The following CEP350 variants were observed in gnomAD, a reference collection of about 807,000 sequenced individuals.
CEP350 encodes the protein centrosome-associated protein 350.
In CEP350, 126 loss-of-function variants were observed where a neutral mutation model predicts 331.8. That is an observed-to-expected ratio of 0.38 (90% CI 0.33 to 0.44). The LOEUF is 0.44. Among genes scored for constraint, CEP350 ranks in the 20% least tolerant of loss-of-function variants. The probability of loss-of-function intolerance (pLI) is 1.00; values close to 1 mark genes in which losing one functional copy is unlikely to be tolerated. For missense variants in CEP350, 3,406 were observed against 3,634.6 expected (o/e 0.94, Z 1.62); for synonymous variants, 1,200 against 1,259.5 (o/e 0.95, Z 1.00).
At chr1:179,959,359 CAGG>C (rs1400945620) in intron 1 of CEP350, among the ~76,000 whole-genome samples, 2 of 152,186 alleles carry the variant, frequency 1.3e-5, no homozygotes, top group African/African-American at 4.8e-5. Flanking sequence ...GAGGCCAAGG[CAGG>C]AGAATTGCTT....
chr1:180,025,588 C>T (rs957922339), intron 14 of CEP350, among the ~76,000 whole-genome samples: 1 of 152,130 alleles, frequency 6.6e-6, no homozygotes, highest in Non-Finnish European at 1.5e-5. Context: ...AATGATTTTG[C>T]TTCCAAAAAT....
chr1:180,079,778 G>A (rs1659443318), intron 29 of CEP350, among the ~76,000 whole-genome samples: 1 of 151,950 alleles, frequency 6.6e-6, no homozygotes. Context: ...GATGAGGCTT[G>A]GAATAGCCAC....
chr1:179,990,650 A>G, intron 4 of CEP350, 29 bp downstream of exon 4: 14 of 1,143,694 alleles, frequency 1.2e-5, no homozygotes, highest in Non-Finnish European at 1.6e-5. Context: ...CCAAATATAT[A>G]CATATATTAA....
At chr1:180,031,559 C>T (rs560464518) in intron 15 of CEP350, 65 bp downstream of exon 15, 3 of 806,414 alleles carry the variant, frequency 3.7e-6, no homozygotes, top group South Asian at 5.0e-5. Context: ...TTCAAAAAAT[C>T]CATATAATGA....
intron 6 of CEP350, among the ~76,000 whole-genome samples, chr1:180,001,450 G>T (rs748753008): frequency 2.6e-5 from 4 of 152,010 alleles, no homozygotes; most frequent in Non-Finnish European, 5.9e-5. Context: ...GTAGAGATGG[G>T]GTTTCGCCAT....
chr1:180,064,384 A>G (rs75141719), intron 26 of CEP350, among the ~76,000 whole-genome samples: 357 of 151,808 alleles, frequency 2.4e-3, no homozygotes, highest in African/African-American at 8.0e-3. Flanking sequence ...GTCGCATCCA[A>G]TGACTATAAG....
At chr1:180,030,877 G>A (rs1655981909) in intron 14 of CEP350, among the ~76,000 whole-genome samples, 1 of 152,126 alleles carries the variant, frequency 6.6e-6, no homozygotes, top group African/African-American at 2.4e-5. Flanking sequence ...GTCAGAGAAT[G>A]TGAATATTTT....
intron 36 of CEP350, 119 bp from the exon 37 acceptor site, chr1:180,098,744 T>A: frequency 1.2e-6 from 1 of 817,262 alleles, no homozygotes; most frequent in Non-Finnish European, 1.8e-6. Flanking sequence ...AAGAAATTTG[T>A]ATGATAATTT....
At chr1:179,999,889 G>T (rs1389380580) in intron 6 of CEP350, among the ~76,000 whole-genome samples, 2 of 152,034 alleles carry the variant, frequency 1.3e-5, no homozygotes, top group African/African-American at 4.8e-5. Context: ...TTAAAAATTT[G>T]AAATGGTGAA....
intron 36 of CEP350, among the ~76,000 whole-genome samples, chr1:180,096,698 T>C (rs1660498626): frequency 6.6e-6 from 1 of 152,340 alleles, no homozygotes; most frequent in Admixed American, 6.5e-5. Context: ...AGTAATGTGA[T>C]ACGTAAAAAT....
chr1:180,096,439 C>T (rs1247861726), intron 36 of CEP350, among the ~76,000 whole-genome samples: 3 of 151,166 alleles, frequency 2.0e-5, no homozygotes, highest in African/African-American at 2.4e-5. Flanking sequence ...GTCATTTTCT[C>T]TATATACATA....
rs1659716722 is a variant in CEP350 at position 180,084,042 on chromosome 1, T to C, written c.6149T>C (p.Ile2050Thr). ...GAAACTACATCTGACCAGAGTGATATTGAAGGTAGGATCAGAGCTCTGAAG... is the reference window on the plus strand; with the variant it reads ...GAAACTACATCTGACCAGAGTGATACTGAAGGTAGGATCAGAGCTCTGAAG... ...QSETTSDQSD[I>T]EGRIRALKDE... Residue 2050 changes from isoleucine (I) to threonine (T), a missense_variant, in exon 31 of 38, where the codon ATT (isoleucine) becomes ACT (threonine). Transcript: ENST00000367607. The C allele has an allele frequency of 1.3e-6, 2 of 1,588,430 alleles. No individual in the cohort carries two copies. The highest frequency in any genetic ancestry group is 2.3e-5 in the South Asian group (2 of 87,428).
At chr1:179,958,829 A>G (rs979413376) in intron 1 of CEP350, among the ~76,000 whole-genome samples, 1 of 152,206 alleles carries the variant, frequency 6.6e-6, no homozygotes, top group Non-Finnish European at 1.5e-5. Flanking sequence ...AATAAGTTGC[A>G]CTATACTATA....
At chr1:179,975,763 G>T (rs1173711021) in intron 1 of CEP350, among the ~76,000 whole-genome samples, 1 of 152,128 alleles carries the variant, frequency 6.6e-6, no homozygotes, top group Non-Finnish European at 1.5e-5. Context: ...AGGTGCCAAT[G>T]GTGCTTGGTG....
At chr1:180,092,002 C>T (rs781368102) in intron 33 of CEP350, among the ~76,000 whole-genome samples, 2 of 151,820 alleles carry the variant, frequency 1.3e-5, no homozygotes, top group Non-Finnish European at 2.9e-5. Context: ...GGAGCTGTGA[C>T]CACTGCACTC....
rs1005007975 is a variant in CEP350 at position 179,996,948 on chromosome 1, C to T, written c.791C>T (p.Thr264Ile). 1.8e-5 allele frequency: 29 copies of T among 1,613,902 alleles called. No individual in the cohort carries two copies. The highest frequency in any genetic ancestry group is 2.4e-5 in the Non-Finnish European group (28 of 1,179,892). Reference sequence around the variant, plus strand: ...GACTCTTCTCCATCCTCTACTAGTACTTCTAATTCCCAAAGATTAGATATT... The same window carrying T: ...GACTCTTCTCCATCCTCTACTAGTATTTCTAATTCCCAAAGATTAGATATT... ...LTDSSPSSTS[T>I]SNSQRLDILK... Residue 264 changes from threonine to isoleucine, a missense_variant, in exon 6 of 38, where the codon ACT becomes ATT. Physicochemically the swap from Thr to Ile is moderately conservative, Grantham distance 89 (BLOSUM62 -1). Transcript: ENST00000367607.
chr1:180,015,532 C>T (rs1413201639), intron 10 of CEP350, among the ~76,000 whole-genome samples: 3 of 152,208 alleles, frequency 2.0e-5, no homozygotes, highest in Admixed American at 1.3e-4. Flanking sequence ...CCGCTCCTGG[C>T]CGGAAATTGT....
In CEP350 at chr1:180,093,717, A is replaced by T; in HGVS notation, c.7612A>T (p.Asn2538Tyr). ...GVELDKPEGN[N>Y]NGTYDGIAYF... ...GGAGTTAGATAAACCTGAAGGAAAT[A>T]ACAATGGAACATATGATGGTATTGC... Residue 2538 changes from asparagine (N) to tyrosine (Y), a missense_variant, in exon 34 of 38, where the codon AAC becomes TAC. Physicochemically the swap from Asn to Tyr is moderately radical, Grantham distance 143. Transcript: ENST00000367607. 2 of 1,613,996 alleles carry T rather than the reference A, an allele frequency of 1.2e-6. No individual in the cohort carries two copies. The highest frequency in any genetic ancestry group is 1.1e-5 in the South Asian group (1 of 91,078).
rs753768040 is a variant in CEP350, at chr1:180,095,654, C to T, written c.8643C>T (p.Ser2881=). ...QDWFDEDFGL[S]SSHKIQKNKA... is the part of the protein sequence containing the mutation. Reference sequence around the variant, plus strand: ...GGTTTGATGAAGACTTTGGTTTGAGCTCTTCTCACAAGATCCAAAAAAATA... The same window carrying T: ...GGTTTGATGAAGACTTTGGTTTGAGTTCTTCTCACAAGATCCAAAAAAATA... The change falls in exon 35 of 38, where the codon AGC becomes AGT. Residue 2881 remains serine (S), a synonymous_variant. Transcript: ENST00000367607. 6 of 1,613,776 alleles carry T rather than the reference C, an allele frequency of 3.7e-6. No individual in the cohort carries two copies. The highest frequency in any genetic ancestry group is 5.1e-6 in the Non-Finnish European group (6 of 1,179,868).
Sources: gnomAD v4.1 joint callset for allele counts (sites outside exome capture counted in the v4.1 genomes callset) on GRCh38, gnomAD v4.1.1 for gene constraint, MANE v1.5 for transcripts, NCBI Gene and HGNC (gene_info 2026-07-23, HGNC 2026-07-21) for gene names.